CFHR3: variants seen among roughly 807,000 people sequenced by gnomAD.
CFHR3 encodes the protein complement factor H related 3, also known as complement factor H-related protein 3.
Under a neutral mutation model 36.0 loss-of-function variants are expected in CFHR3, and 22 were observed. That is an observed-to-expected ratio of 0.61 (90% CI 0.44 to 0.87). CFHR3 has a LOEUF of 0.87. Ranked by LOEUF, CFHR3 falls within the 40% of genes least tolerant of loss-of-function variation. The pLI is 0.00. For missense variants in CFHR3, 276 were observed against 401.3 expected, an observed-to-expected ratio of 0.69 and a Z score of 2.67; for synonymous variants, 97 against 137.4, an observed-to-expected ratio of 0.71 and a Z score of 2.06.
At chr1:196,780,659 CT>C (rs1164270773) in intron 3 of CFHR3, among the ~76,000 whole-genome samples, 1 of 136,370 alleles carries the variant, frequency 7.3e-6, no homozygotes, top group African/African-American at 3.1e-5. Flanking sequence ...GGTAAAATCT[CT>C]TTTAATTATA....
intron 3 of CFHR3, among the ~76,000 whole-genome samples, chr1:196,783,737 A>C (rs1654067931): frequency 7.4e-6 from 1 of 134,492 alleles, no homozygotes; most frequent in South Asian, 2.6e-4. Flanking sequence ...GATTTTGTTG[A>C]TCCTTTCAAA....
At chr1:196,782,741 A>G (rs1311982489) in intron 3 of CFHR3, among the ~76,000 whole-genome samples, 1 of 137,124 alleles carries the variant, frequency 7.3e-6, no homozygotes, top group Non-Finnish European at 1.5e-5. Context: ...CAATCATGTC[A>G]CCTGCAAACA....
chr1:196,785,849 A>G (rs1654175964), intron 3 of CFHR3, among the ~76,000 whole-genome samples: 1 of 137,110 alleles, frequency 7.3e-6, no homozygotes, highest in Non-Finnish European at 1.5e-5. Flanking sequence ...CTGGTGAGGA[A>G]CTTTGTTCCT....
At position 196,780,335 on chromosome 1, in the gene CFHR3, A is replaced by G. The variant is rs1209026841; in HGVS notation, c.430+362A>G. Among the ~76,000 whole-genome samples, 19 of 137,440 alleles carry G rather than the reference A, an allele frequency of 1.4e-4. 1 individual carries two copies. In the East Asian group the frequency reaches 3.3e-3, roughly 24 times the overall value. 90.2% of individuals were successfully genotyped at this position (137,440 alleles called of 152,430 possible). Reference sequence around the variant, plus strand: ...AAATGGGTATTCTGGGATCTTGTACATATTCTACTCTAGAAGGTTTCCTAC... The same window carrying G: ...AAATGGGTATTCTGGGATCTTGTACGTATTCTACTCTAGAAGGTTTCCTAC... On this transcript the variant is annotated intron_variant, in intron 3 of 5. Coordinates refer to ENST00000367425, the MANE Select transcript of CFHR3 (RefSeq NM_021023.6).
At chr1:196,789,978 A>C (rs1228067729) in intron 4 of CFHR3, 67 bp from the exon 5 acceptor site, 1 of 1,148,810 alleles carries the variant, frequency 8.7e-7, no homozygotes, top group East Asian at 3.2e-5. Flanking sequence ...GTATATAAAA[A>C]GCTTTATTTA....
intron 4 of CFHR3, chr1:196,789,595 T>C: frequency 7.7e-7 from 1 of 1,304,958 alleles, no homozygotes; most frequent in East Asian, 2.6e-5. Flanking sequence ...CATAACTACA[T>C]AAATGGTTAC....
Position 196,789,594 on chromosome 1 carries a change from A to G in CFHR3, c.614-451A>G. The G allele has an allele frequency of 4.6e-6, 6 of 1,301,192 alleles. 1 individual carries two copies. The highest frequency in any genetic ancestry group is 6.1e-6 in the Non-Finnish European group (6 of 985,276). The allele number at this position is 1,301,192 out of a possible 1,614,324, so 80.6% of individuals were successfully genotyped here. ...TGTTAGTAAATCGTTACATAACTAC[A>G]TAAATGGTTACATTAACTTTTAAAT... On this transcript the variant is annotated intron_variant, in intron 4 of 5. Transcript: ENST00000367425.
intron 2 of CFHR3, 135 bp downstream of exon 2, chr1:196,779,491 A>T (rs1653858743): frequency 2.5e-6 from 2 of 802,976 alleles, no homozygotes; most frequent in Non-Finnish European, 1.9e-6. Context: ...AAAATGACCA[A>T]AATAGATCTT....
intron 5 of CFHR3, among the ~76,000 whole-genome samples, 182 bp from the exon 6 acceptor site, chr1:196,793,135 A>G (rs1280457291): frequency 1.5e-5 from 2 of 135,026 alleles, no homozygotes; most frequent in Non-Finnish European, 3.1e-5. Flanking sequence ...GATGTTGGGG[A>G]AGTGCAACTG....
In CFHR3 at chr1:196,792,140, A is replaced by G. The variant is rs1282957484; in HGVS notation, c.797-1177A>G. ...TGGAGAAGTATTTAGAGTTCAAACA[A>G]TATTTATTTTTGAATTGTAAACAGC... On this transcript the variant is annotated intron_variant, in intron 5 of 5. Coordinates refer to ENST00000367425, the MANE Select transcript of CFHR3 (RefSeq NM_021023.6). Among the ~76,000 whole-genome samples, 2 of 125,788 alleles carry G rather than the reference A, an allele frequency of 1.6e-5. 1 individual carries two copies. The highest frequency in any genetic ancestry group is 3.2e-5 in the Non-Finnish European group (2 of 61,556). 82.5% of individuals were successfully genotyped at this position (125,788 alleles called of 152,430 possible).
chr1:196,789,387 T>C, intron 4 of CFHR3: 1 of 896,520 alleles, frequency 1.1e-6, no homozygotes, highest in Non-Finnish European at 1.3e-6. Context: ...TCTAGAATAC[T>C]GTTTTCAATT....
At position 196,789,037 on chromosome 1, in the gene CFHR3, T is replaced by C. The variant is rs1237084231; in HGVS notation, c.613+639T>C. 2.4e-5 allele frequency: 30 copies of C among 1,237,910 alleles called. 5 individuals are homozygous for C. The highest frequency in any genetic ancestry group is 3.0e-5 in the Non-Finnish European group (29 of 980,790). The allele number at this position is 1,237,910 out of a possible 1,614,324, so 76.7% of individuals were successfully genotyped here. Reference sequence around the variant, plus strand: ...CTGAACGTGCTCGACCTTTACTTAGTATGATAAAGAGAATGCATAATGAAC... The same window carrying C: ...CTGAACGTGCTCGACCTTTACTTAGCATGATAAAGAGAATGCATAATGAAC... On this transcript the variant is annotated intron_variant, in intron 4 of 5. Coordinates refer to ENST00000367425, the MANE Select transcript of CFHR3 (RefSeq NM_021023.6).
intron 3 of CFHR3, among the ~76,000 whole-genome samples, chr1:196,782,565 A>C (rs1243923156): frequency 7.3e-6 from 1 of 136,622 alleles, no homozygotes; most frequent in Non-Finnish European, 1.6e-5. Context: ...CTTTGAAGCA[A>C]TTGTGAATGG....
At chr1:196,786,536 C>T (rs1028241110) in intron 3 of CFHR3, among the ~76,000 whole-genome samples, 3 of 135,856 alleles carry the variant, frequency 2.2e-5, no homozygotes, top group Non-Finnish European at 3.1e-5. Flanking sequence ...GCCTCGCTGC[C>T]GCCTTGCAGT....
At chr1:196,791,013 A>C (rs1379050213) in intron 5 of CFHR3, among the ~76,000 whole-genome samples, 2 of 136,746 alleles carry the variant, frequency 1.5e-5, no homozygotes, top group Admixed American at 1.4e-4. Flanking sequence ...ACAAACTATT[A>C]AACCCTACTT....
Position 196,793,535 on chromosome 1 carries a change from G to T in CFHR3, c.*22G>T, listed in dbSNP as rs1846241. On this transcript the variant is annotated 3_prime_UTR_variant, in exon 6 of 6. Coordinates refer to ENST00000367425, the MANE Select transcript of CFHR3 (RefSeq NM_021023.6). ...ATAAGGCAGCATTGTTACCCTAAATGTATGTCCAACTTCCACTTTTCCACT... is the reference window on the plus strand; with the variant it reads ...ATAAGGCAGCATTGTTACCCTAAATTTATGTCCAACTTCCACTTTTCCACT... 1.7e-5 allele frequency: 26 copies of T among 1,507,746 alleles called. 4 individuals are homozygous for T. The Admixed American group carries it at 4.0e-4, about 23-fold the overall frequency. 93.4% of individuals were successfully genotyped at this position (1,507,746 alleles called of 1,614,324 possible). A position where few individuals can be genotyped will look rare whatever the true frequency, so the allele number is the denominator to read the frequency against.
rs1485270324 is a variant in CFHR3, at chr1:196,780,976, A to G, written c.430+1003A>G. 9.1e-5 allele frequency among the ~76,000 whole-genome samples: 7 copies of G among 77,250 alleles called. 1 individual carries two copies. Among genetic ancestry groups the G allele is most frequent in the Non-Finnish European group, 1.3e-4 (6 of 45,320 alleles). The allele number at this position is 77,250 out of a possible 152,430, so 50.7% of individuals were successfully genotyped here. Reference sequence around the variant, plus strand: ...CTCCCCCCACCCCACAACAGTCCCCAGAGTGTGATGTTCCCCTTCCTGTGT... The same window carrying G: ...CTCCCCCCACCCCACAACAGTCCCCGGAGTGTGATGTTCCCCTTCCTGTGT... On this transcript the variant is annotated intron_variant, in intron 3 of 5. Transcript: ENST00000367425.
rs1558197017 is a variant in CFHR3, at chr1:196,779,888, T to G, written c.345T>G (p.His115Gln). 2.0e-6 allele frequency: 3 copies of G among 1,533,384 alleles called. 1 individual carries two copies. Among genetic ancestry groups the G allele is most frequent in the Non-Finnish European group, 2.6e-6 (3 of 1,133,540 alleles). The allele number at this position is 1,533,384 out of a possible 1,614,324, so 95.0% of individuals were successfully genotyped here. The change falls in exon 3 of 6, where the codon CAT becomes CAG. Residue 115 changes from histidine (H) to glutamine (Q), a missense_variant. Physicochemically the swap from His to Gln is conservative, Grantham distance 24 (BLOSUM62 0). Coordinates refer to ENST00000367425, the MANE Select transcript of CFHR3 (RefSeq NM_021023.6). Reference sequence around the variant, plus strand: ...GTAACTCTACAGAAGTTGCCTGCCATCCTGGCTACGGTCTTCCAAAAGCGC... The same window carrying G: ...GTAACTCTACAGAAGTTGCCTGCCAGCCTGGCTACGGTCTTCCAAAAGCGC... ...VQGNSTEVACHPGYGLPKAQT... is the reference protein window; with the variant it reads ...VQGNSTEVACQPGYGLPKAQT...
At chr1:196,785,190 C>T (rs560857694) in intron 3 of CFHR3, among the ~76,000 whole-genome samples, 1 of 137,088 alleles carries the variant, frequency 7.3e-6, no homozygotes, top group South Asian at 2.6e-4. Context: ...GTCTGATGGG[C>T]TTCCCTTTGT....
Sources: gnomAD v4.1 joint callset for allele counts (sites outside exome capture counted in the v4.1 genomes callset) on GRCh38, gnomAD v4.1.1 for gene constraint, MANE v1.5 for transcripts, NCBI Gene and HGNC (gene_info 2026-07-23, HGNC 2026-07-21) for gene names.